The following LYNX1 variants were observed in gnomAD, a reference collection of about 807,000 sequenced individuals.
The protein encoded by LYNX1 is ly-6/neurotoxin-like protein 1.
A neutral mutation model predicts 8.3 loss-of-function variants in LYNX1; 8 were observed. The observed-to-expected ratio is 0.97, with a 90% CI of 0.57 to 1.74. The LOEUF (loss-of-function observed/expected upper bound fraction) is 1.74. Among genes scored for constraint, LYNX1 ranks in the 40% most tolerant of loss-of-function variants. The pLI, the probability that LYNX1 is intolerant of heterozygous loss-of-function variation, is 0.00. For synonymous variants in LYNX1, 73 were observed against 67.9 expected (o/e 1.08, Z -0.37); for missense variants, 158 against 159.7 (o/e 0.99, Z 0.06).
Position 142,775,699 on chromosome 8 carries a change from G to C in LYNX1, c.53-5C>G. 1 of 1,590,462 alleles carries C rather than the reference G, an allele frequency of 6.3e-7. No individual in the cohort carries two copies. The highest frequency in any genetic ancestry group is 8.6e-7 in the Non-Finnish European group (1 of 1,168,360). On this transcript the variant is annotated splice_polypyrimidine_tract_variant and splice_region_variant and intron_variant, in intron 2 of 3. Coordinates refer to ENST00000652477, the MANE Select transcript of LYNX1 (RefSeq NM_177477.4). ...CGTGGCAGTCCAAGGCCTGGGCTGG[G>C]GTTGGCAGATGGGCGGGAAGGGAAC...
rs113989063 is a variant in LYNX1 at position 142,775,021 on chromosome 8, G to A, written c.*146C>T. 32,815 of 1,440,986 alleles carry A rather than the reference G, an allele frequency of 0.023. 464 individuals are homozygous for A. The highest frequency in any genetic ancestry group is 0.027 in the Non-Finnish European group (29,393 of 1,100,982). The allele number at this position is 1,440,986 out of a possible 1,614,324, so 89.3% of individuals were successfully genotyped here. On this transcript the variant is annotated 3_prime_UTR_variant, in exon 4 of 4. Transcript: ENST00000652477. ...GGTCGTGTGGTGGTTGGGGGAGGTC[G>A]GGTGTCTTCTTGCCCACAGTCCTGA...
Position 142,771,680 on chromosome 8 carries a change from C to T in LYNX1, c.*3487G>A, listed in dbSNP as rs746718117. 1 of 985,854 alleles carries T rather than the reference C, an allele frequency of 1.0e-6. No homozygotes were observed. Among genetic ancestry groups the T allele is most frequent in the Non-Finnish European group, 1.2e-6 (1 of 829,960 alleles). The allele number at this position is 985,854 out of a possible 1,614,324, so 61.1% of individuals were successfully genotyped here. A position where few individuals can be genotyped will look rare whatever the true frequency, so the allele number is the denominator to read the frequency against. On this transcript the variant is annotated 3_prime_UTR_variant, in exon 4 of 4. Transcript: ENST00000652477. ...GCACCGGCAGAAAAGCTGGCATATCCACCGAGGGCCTCTCTGCTTCTTTTG... is the reference window on the plus strand; with the variant it reads ...GCACCGGCAGAAAAGCTGGCATATCTACCGAGGGCCTCTCTGCTTCTTTTG...
chr8:142,773,930 A>T lies in LYNX1; in HGVS notation c.*1237T>A. ...CGCCCCCGAATGCCCCATTCACAGC[A>T]GGGGCAGGTGCTCCCTGGGCTACCT... is the stretch of plus-strand genomic sequence containing the variant. On this transcript the variant is annotated 3_prime_UTR_variant, in exon 4 of 4. Coordinates refer to ENST00000652477, the MANE Select transcript of LYNX1 (RefSeq NM_177477.4). 1 of 985,376 alleles carries T rather than the reference A, an allele frequency of 1.0e-6. No individual in the cohort carries two copies. Among genetic ancestry groups the T allele is most frequent in the Non-Finnish European group, 1.2e-6 (1 of 829,906 alleles). The allele number at this position is 985,376 out of a possible 1,614,324, so 61.0% of individuals were successfully genotyped here. A position where few individuals can be genotyped will look rare whatever the true frequency, so the allele number is the denominator to read the frequency against.
chr8:142,775,533 CA>C, intron 3 of LYNX1, 59 bp downstream of exon 3: 1 of 1,554,068 alleles, frequency 6.4e-7, no homozygotes, highest in Non-Finnish European at 8.7e-7. Context: ...TGCTCAGGGG[CA>C]GGGCAGAACC....
rs765947604 is a variant in LYNX1, at chr8:142,772,693, G to A, written c.*2474C>T. The A allele has an allele frequency of 8.1e-6, 8 of 985,508 alleles. No individual in the cohort carries two copies. The highest frequency in any genetic ancestry group is 1.2e-4 in the Admixed American group (2 of 16,276). The allele number at this position is 985,508 out of a possible 1,614,324, so 61.0% of individuals were successfully genotyped here. A position where few individuals can be genotyped will look rare whatever the true frequency, so the allele number is the denominator to read the frequency against. On this transcript the variant is annotated 3_prime_UTR_variant, in exon 4 of 4. Coordinates refer to ENST00000652477, the MANE Select transcript of LYNX1 (RefSeq NM_177477.4). ...ATCGCCACCTTGATGCATACAACCC[G>A]GACAAGTTTACTGCTGTGATTTCTG...
In LYNX1 at chr8:142,771,850, G is replaced by C; in HGVS notation, c.*3317C>G. ...GCCTGGAGGAAGCCTGCCCAGGGCCGCAGCCCTGCCCCCAAAGACCCCAGG... is the reference window on the plus strand; with the variant it reads ...GCCTGGAGGAAGCCTGCCCAGGGCCCCAGCCCTGCCCCCAAAGACCCCAGG... On this transcript the variant is annotated 3_prime_UTR_variant, in exon 4 of 4. Coordinates refer to ENST00000652477, the MANE Select transcript of LYNX1 (RefSeq NM_177477.4). 1 of 985,852 alleles carries C rather than the reference G, an allele frequency of 1.0e-6. No individual in the cohort carries two copies. Among genetic ancestry groups the C allele is most frequent in the Non-Finnish European group, 1.2e-6 (1 of 829,994 alleles). 61.1% of individuals were successfully genotyped at this position (985,852 alleles called of 1,614,324 possible).
At position 142,774,530 on chromosome 8, in the gene LYNX1, T is replaced by G. The variant is rs1815320317; in HGVS notation, c.*637A>C. ...ACCCCTTGCTGGACCCGAAAAAGCTTCTGTGACTTCGGGGGCCCTGGGGCC... is the reference window on the plus strand; with the variant it reads ...ACCCCTTGCTGGACCCGAAAAAGCTGCTGTGACTTCGGGGGCCCTGGGGCC... On this transcript the variant is annotated 3_prime_UTR_variant, in exon 4 of 4. Coordinates refer to ENST00000652477, the MANE Select transcript of LYNX1 (RefSeq NM_177477.4). 2.0e-6 allele frequency: 2 copies of G among 985,692 alleles called. No individual in the cohort carries two copies. The highest frequency in any genetic ancestry group is 2.4e-6 in the Non-Finnish European group (2 of 830,172). 61.1% of individuals were successfully genotyped at this position (985,692 alleles called of 1,614,324 possible).
At chr8:142,776,614 C>A in intron 1 of LYNX1, 1 of 155,214 alleles carries the variant, frequency 6.4e-6, no homozygotes, top group Non-Finnish European at 1.4e-5. Flanking sequence ...GGGGTTCCTT[C>A]TTCCAGAAGA....
Position 142,776,134 on chromosome 8 carries a change from T to C in LYNX1, c.-164-13A>G. 1.4e-6 allele frequency: 1 copy of C among 715,020 alleles called. No individual in the cohort carries two copies. The highest frequency in any genetic ancestry group is 2.4e-6 in the Non-Finnish European group (1 of 418,628). The allele number at this position is 715,020 out of a possible 1,614,324, so 44.3% of individuals were successfully genotyped here. A position where few individuals can be genotyped will look rare whatever the true frequency, so the allele number is the denominator to read the frequency against. On this transcript the variant is annotated splice_polypyrimidine_tract_variant and intron_variant, in intron 1 of 3. Transcript: ENST00000652477. Reference sequence around the variant, plus strand: ...GAGTGCTGCAACCCTGCACAGCAGGTGGCAAAGACAGGTGGTCAGTACTGG... The same window carrying C: ...GAGTGCTGCAACCCTGCACAGCAGGCGGCAAAGACAGGTGGTCAGTACTGG...
rs916602106 is a variant in LYNX1 at position 142,774,132 on chromosome 8, G to T, written c.*1035C>A. 1 of 984,988 alleles carries T rather than the reference G, an allele frequency of 1.0e-6. No individual in the cohort carries two copies. The highest frequency in any genetic ancestry group is 1.8e-5 in the African/African-American group (1 of 57,130). The allele number at this position is 984,988 out of a possible 1,614,324, so 61.0% of individuals were successfully genotyped here. ...CTGTGCGCATCCCGCTGCGGGGGAG[G>T]GGCTGGGTCTCCGCCCTCCCCACCC... On this transcript the variant is annotated 3_prime_UTR_variant, in exon 4 of 4. Transcript: ENST00000652477.
chr8:142,774,337 G>C lies in LYNX1; in HGVS notation c.*830C>G, dbSNP rs892846. ...GCTGTGGTTGGGGACCAGGACTCGG[G>C]GGACCACCTGCTCTGCCCCTTTCCC... is the stretch of plus-strand genomic sequence containing the variant. On this transcript the variant is annotated 3_prime_UTR_variant, in exon 4 of 4. Coordinates refer to ENST00000652477, the MANE Select transcript of LYNX1 (RefSeq NM_177477.4). The C allele has an allele frequency of 0.84, 823,748 of 985,638 alleles. 344,875 individuals carry two copies. The highest frequency in any genetic ancestry group is 0.85 in the Non-Finnish European group (702,362 of 830,242). 61.1% of individuals were successfully genotyped at this position (985,638 alleles called of 1,614,324 possible).
rs898547128 is a variant in LYNX1, at chr8:142,773,805, T to A, written c.*1362A>T. The A allele has an allele frequency of 2.3e-5, 23 of 985,204 alleles. No individual in the cohort carries two copies. Among genetic ancestry groups the A allele is most frequent in the Non-Finnish European group, 2.7e-5 (22 of 829,920 alleles). 61.0% of individuals were successfully genotyped at this position (985,204 alleles called of 1,614,324 possible). A position where few individuals can be genotyped will look rare whatever the true frequency, so the allele number is the denominator to read the frequency against. ...CATGGATATGTCACCATCCTGCCCA[T>A]GCGGGATGGCTTGAAGGGTTTCTCA... On this transcript the variant is annotated 3_prime_UTR_variant, in exon 4 of 4. Coordinates refer to ENST00000652477, the MANE Select transcript of LYNX1 (RefSeq NM_177477.4).
At position 142,771,639 on chromosome 8, in the gene LYNX1, A is replaced by G. The variant is rs1050026330; in HGVS notation, c.*3528T>C. The G allele has an allele frequency of 1.0e-6, 1 of 985,724 alleles. No individual in the cohort carries two copies. Among genetic ancestry groups the G allele is most frequent in the African/African-American group, 1.7e-5 (1 of 57,238 alleles). 61.1% of individuals were successfully genotyped at this position (985,724 alleles called of 1,614,324 possible). ...GTTTGAAGAGGAGAGCAGACCACCC[A>G]GAGTAGTGGGAGAAAGCACCGGCAG... On this transcript the variant is annotated 3_prime_UTR_variant, in exon 4 of 4. Coordinates refer to ENST00000652477, the MANE Select transcript of LYNX1 (RefSeq NM_177477.4).
chr8:142,776,147 T>A, intron 1 of LYNX1, 26 bp from the exon 2 acceptor site: 1 of 660,188 alleles, frequency 1.5e-6, no homozygotes, highest in East Asian at 2.8e-5. Context: ...CAAAGACAGG[T>A]GGTCAGTACT....
At position 142,775,577 on chromosome 8, in the gene LYNX1, G is replaced by T; in HGVS notation, c.154+16C>A. The stretch of plus-strand genomic sequence containing the variant: ...CGTGCTCCCCAGGCAGGGCCACGCA[G>T]GGCCCCCAGACTCACAGGTGCGCGT... On this transcript the variant is annotated intron_variant, in intron 3 of 3. Transcript: ENST00000652477. 6.3e-7 allele frequency: 1 copy of T among 1,576,604 alleles called. No individual in the cohort carries two copies. Among genetic ancestry groups the T allele is most frequent in the Non-Finnish European group, 8.6e-7 (1 of 1,161,150 alleles).
In LYNX1 at chr8:142,773,049, C is replaced by T; in HGVS notation, c.*2118G>A. On this transcript the variant is annotated 3_prime_UTR_variant, in exon 4 of 4. Coordinates refer to ENST00000652477, the MANE Select transcript of LYNX1 (RefSeq NM_177477.4). ...CCACTGAGACTCGAGACAGGGAGGACCTGATCCTGGAGTCCCTCCCAGCCC... is the reference window on the plus strand; with the variant it reads ...CCACTGAGACTCGAGACAGGGAGGATCTGATCCTGGAGTCCCTCCCAGCCC... The T allele has an allele frequency of 2.0e-6, 2 of 985,538 alleles. No individual in the cohort carries two copies. Among genetic ancestry groups the T allele is most frequent in the Non-Finnish European group, 2.4e-6 (2 of 830,002 alleles). 61.0% of individuals were successfully genotyped at this position (985,538 alleles called of 1,614,324 possible). A position where few individuals can be genotyped will look rare whatever the true frequency, so the allele number is the denominator to read the frequency against.
chr8:142,773,960 C>T lies in LYNX1; in HGVS notation c.*1207G>A, dbSNP rs1391675719. On this transcript the variant is annotated 3_prime_UTR_variant, in exon 4 of 4. Coordinates refer to ENST00000652477, the MANE Select transcript of LYNX1 (RefSeq NM_177477.4). ...CAGGTGCTCCCTGGGCTACCTGCAT[C>T]GGGGATGGATTGGTGCGTGTTGGGC... The T allele has an allele frequency of 2.0e-6, 2 of 985,254 alleles. No homozygotes were observed. Among genetic ancestry groups the T allele is most frequent in the African/African-American group, 1.7e-5 (1 of 57,212 alleles). 61.0% of individuals were successfully genotyped at this position (985,254 alleles called of 1,614,324 possible). A position where few individuals can be genotyped will look rare whatever the true frequency, so the allele number is the denominator to read the frequency against.
At chr8:142,775,556 C>T (rs768682459) in intron 3 of LYNX1, 37 bp downstream of exon 3, 4 of 1,562,342 alleles carry the variant, frequency 2.6e-6, no homozygotes, top group Middle Eastern at 1.7e-4. Flanking sequence ...CCCCTTCGTG[C>T]TCCCCAGGCA....
chr8:142,771,547 T>C lies in LYNX1; in HGVS notation c.*3620A>G. On this transcript the variant is annotated 3_prime_UTR_variant, in exon 4 of 4. Transcript: ENST00000652477. ...TTCTGTCTGGGAGGCTCCTTAAGGC[T>C]GGGGAGGGCCCAGAGGGAAGGAGAT... 1.0e-6 allele frequency: 1 copy of C among 985,184 alleles called. No homozygotes were observed. The highest frequency in any genetic ancestry group is 1.2e-6 in the Non-Finnish European group (1 of 829,876). 61.0% of individuals were successfully genotyped at this position (985,184 alleles called of 1,614,324 possible). A position where few individuals can be genotyped will look rare whatever the true frequency, so the allele number is the denominator to read the frequency against.
Sources: gnomAD v4.1 joint callset for allele counts on GRCh38, gnomAD v4.1.1 for gene constraint, MANE v1.5 for transcripts, NCBI Gene and HGNC (gene_info 2026-07-23, HGNC 2026-07-21) for gene names.